The following DLG2 variants were observed in gnomAD, a reference collection of about 807,000 sequenced individuals.
DLG2 encodes disks large homolog 2.
In DLG2, 45 loss-of-function variants were observed where a neutral mutation model predicts 132.5. The observed-to-expected ratio is 0.34, with a 90% CI of 0.27 to 0.44. DLG2 has a LOEUF of 0.44. Ranked by LOEUF, DLG2 falls within the 20% of genes least tolerant of loss-of-function variation. The pLI, the probability that DLG2 is intolerant of heterozygous loss-of-function variation, is 1.00. For missense variants in DLG2, 1,045 were observed against 1,196.9 expected, an observed-to-expected ratio of 0.87 and a Z score of 1.87; for synonymous variants, 424 against 419.6, an observed-to-expected ratio of 1.01 and a Z score of -0.13.
At chr11:83,932,161 C>T (rs1444367494) in intron 14 of DLG2, among the ~76,000 whole-genome samples, 1 of 93,272 alleles carries the variant, frequency 1.1e-5, no homozygotes, top group African/African-American at 2.8e-5. Context: ...GGTTCTCTTG[C>T]AATCAAACAA....
chr11:83,749,523 G>T (rs934432899), intron 18 of DLG2, among the ~76,000 whole-genome samples: 1 of 152,066 alleles, frequency 6.6e-6, no homozygotes, highest in African/African-American at 2.4e-5. Flanking sequence ...TCCTGTGTCA[G>T]TTTCCCTCTT....
chr11:85,382,136 G>T (rs1228144162), intron 3 of DLG2, among the ~76,000 whole-genome samples: 2 of 152,098 alleles, frequency 1.3e-5, no homozygotes, highest in Admixed American at 1.3e-4. Context: ...ACTTACTTCT[G>T]TAATCAAGAC....
At chr11:83,707,747 C>T (rs2084387957) in intron 18 of DLG2, among the ~76,000 whole-genome samples, 2 of 152,206 alleles carry the variant, frequency 1.3e-5, no homozygotes, top group Non-Finnish European at 2.9e-5. Context: ...GGTTGAGTGT[C>T]TGTTCCCTCT....
At chr11:85,353,889 A>G (rs1187225405) in intron 3 of DLG2, among the ~76,000 whole-genome samples, 2 of 152,096 alleles carry the variant, frequency 1.3e-5, no homozygotes, top group Non-Finnish European at 2.9e-5. Context: ...CCTAACGTAA[A>G]TGATGAGTTA....
chr11:83,752,044 G>A (rs1207844257), intron 18 of DLG2, among the ~76,000 whole-genome samples: 3 of 152,166 alleles, frequency 2.0e-5, no homozygotes, highest in Non-Finnish European at 4.4e-5. Flanking sequence ...CGAGGCAGGT[G>A]GATCACGAGG....
chr11:84,526,770 G>A (rs1591581103), intron 7 of DLG2, among the ~76,000 whole-genome samples: 3 of 150,650 alleles, frequency 2.0e-5, no homozygotes, highest in African/African-American at 7.3e-5. Flanking sequence ...GCATCCACTG[G>A]GGGTGTTTTT....
At chr11:84,944,255 T>C (rs1303168050) in intron 6 of DLG2, among the ~76,000 whole-genome samples, 1 of 152,192 alleles carries the variant, frequency 6.6e-6, no homozygotes, top group Admixed American at 6.5e-5. Flanking sequence ...TCTTGGACTT[T>C]AGTATTGATA....
At chr11:83,612,159 C>T (rs946828600) in intron 19 of DLG2, among the ~76,000 whole-genome samples, 1 of 152,290 alleles carries the variant, frequency 6.6e-6, no homozygotes, top group South Asian at 2.1e-4. Context: ...CCCACCCCCT[C>T]CTCAAGGGCA....
chr11:85,544,497 A>G (rs1290931709), intron 3 of DLG2, among the ~76,000 whole-genome samples: 1 of 152,136 alleles, frequency 6.6e-6, no homozygotes, highest in Non-Finnish European at 1.5e-5. Flanking sequence ...TTCCATATGA[A>G]ATTTAAAGTA....
In DLG2 at chr11:85,581,213, T is replaced by C. The variant is rs114113107; in HGVS notation, c.40+17444A>G. Among the ~76,000 whole-genome samples, 1,220 of 152,290 alleles carry C rather than the reference T, an allele frequency of 8.0e-3. 17 individuals carry two copies. The highest frequency in any genetic ancestry group is 0.029 in the African/African-American group (1,186 of 41,560). ...AGTAACAGCTCGCTCTCCATGCTCC[T>C]TAAGCAGTCTCACCGTTCCTAGCCC... On this transcript the variant is annotated intron_variant, in intron 3 of 27. Transcript: ENST00000376104.
At chr11:85,191,152 GCGC>G (rs768675558) in intron 4 of DLG2, among the ~76,000 whole-genome samples, 2 of 127,330 alleles carry the variant, frequency 1.6e-5, no homozygotes, top group Admixed American at 1.6e-4. Context: ...ATGCGCGCGC[GCGC>G]ACGCGCGCAC....
intron 6 of DLG2, among the ~76,000 whole-genome samples, chr11:84,695,219 T>C (rs1037291901): frequency 2.6e-5 from 4 of 151,544 alleles, no homozygotes; most frequent in African/African-American, 9.7e-5. Flanking sequence ...AGGCTCATAT[T>C]ACAGCAGAGA....
intron 6 of DLG2, among the ~76,000 whole-genome samples, chr11:84,653,391 C>A (rs778786650): frequency 1.3e-4 from 20 of 152,146 alleles, no homozygotes; most frequent in Non-Finnish European, 1.9e-4. Flanking sequence ...CAATGCCTAC[C>A]TTGAAATCCC....
intron 6 of DLG2, among the ~76,000 whole-genome samples, chr11:84,584,105 A>G (rs970009836): frequency 6.6e-6 from 1 of 152,104 alleles, no homozygotes; most frequent in Admixed American, 6.5e-5. Flanking sequence ...AGCTTTATAA[A>G]ATAATGTCAG....
In DLG2 at chr11:83,532,625, G is replaced by T. The variant is rs932849505; in HGVS notation, c.2193+83C>A. On this transcript the variant is annotated intron_variant, in intron 21 of 27. Transcript: ENST00000376104. ...TGTCTGGTACCTTCATAATTTGTTT[G>T]CTACTGAAAGCCTAAATGTGTTAAT... 4 of 1,150,090 alleles carry T rather than the reference G, an allele frequency of 3.5e-6. No homozygotes were observed. The South Asian group carries it at 3.8e-5, about 11-fold the overall frequency. The allele number at this position is 1,150,090 out of a possible 1,614,324, so 71.2% of individuals were successfully genotyped here. A position where few individuals can be genotyped will look rare whatever the true frequency, so the allele number is the denominator to read the frequency against.
chr11:83,864,965 T>C (rs925081293), intron 16 of DLG2, among the ~76,000 whole-genome samples: 6 of 152,104 alleles, frequency 3.9e-5, no homozygotes, highest in Admixed American at 1.3e-4. Flanking sequence ...CCAGGCAAGG[T>C]ACCAACAGAA....
chr11:85,108,604 C>G (rs1205706090), intron 6 of DLG2, among the ~76,000 whole-genome samples: 1 of 151,834 alleles, frequency 6.6e-6, no homozygotes, highest in Non-Finnish European at 1.5e-5. Flanking sequence ...ATTATTTCAT[C>G]ATTTTTTAAA....
intron 23 of DLG2, among the ~76,000 whole-genome samples, chr11:83,472,228 G>A (rs189914220): frequency 2.2e-4 from 34 of 152,262 alleles, no homozygotes; most frequent in Admixed American, 5.9e-4. Flanking sequence ...AGGAACCTGA[G>A]AGTTCATTGG....
At chr11:85,245,310 A>G (rs757744207) in intron 4 of DLG2, among the ~76,000 whole-genome samples, 1 of 151,858 alleles carries the variant, frequency 6.6e-6, no homozygotes, top group South Asian at 2.1e-4. Flanking sequence ...CCCACCTCCA[A>G]ACTTGCTCTG....
Sources: allele counts gnomAD v4.1 joint callset (sites outside exome capture counted in the v4.1 genomes callset), GRCh38; gene constraint gnomAD v4.1.1; transcripts MANE v1.5; gene names NCBI Gene and HGNC (gene_info 2026-07-23, HGNC 2026-07-21).